PHACTR1: variants seen among roughly 807,000 people sequenced by gnomAD.
PHACTR1 encodes RPEL repeat containing 1.
Under a neutral mutation model 69.2 loss-of-function variants are expected in PHACTR1, and 16 were observed. The observed-to-expected ratio is 0.23, with a 90% CI of 0.16 to 0.35. The LOEUF (loss-of-function observed/expected upper bound fraction) is 0.35. Ranked by LOEUF, PHACTR1 falls within the 10% of genes least tolerant of loss-of-function variation. The pLI is 1.00. For missense variants in PHACTR1, 510 were observed against 734.7 expected (o/e 0.69, Z 3.54); for synonymous variants, 312 against 284.5 (o/e 1.10, Z -0.97).
intron 4 of PHACTR1, among the ~76,000 whole-genome samples, chr6:12,896,065 GGA>G (rs1784636601): frequency 6.6e-6 from 1 of 152,182 alleles, no homozygotes; most frequent in Non-Finnish European, 1.5e-5. Flanking sequence ...AATGCTGACT[GGA>G]ACCCTTCAAA....
intron 8 of PHACTR1, among the ~76,000 whole-genome samples, chr6:13,218,859 AAGAGAAGAGAAGAG>A (rs1562013493): frequency 4.6e-3 from 20 of 4,330 alleles, no homozygotes; most frequent in Non-Finnish European, 2.0e-3. Context: ...GAGGAAAGAG[AAGAGAAGAGAAGAG>A]AAGAGAAGAG....
At chr6:12,732,011 T>C (rs1763594308) in intron 3 of PHACTR1, among the ~76,000 whole-genome samples, 1 of 151,074 alleles carries the variant, frequency 6.6e-6, no homozygotes, top group South Asian at 2.1e-4. Context: ...ACTATCAAAA[T>C]GGAATGATGG....
intron 4 of PHACTR1, among the ~76,000 whole-genome samples, chr6:12,919,087 C>G (rs1014073027): frequency 9.9e-5 from 15 of 152,228 alleles, no homozygotes; most frequent in African/African-American, 3.4e-4. Flanking sequence ...CTCAGCCTCC[C>G]AAAGTCCTGG....
intron 4 of PHACTR1, among the ~76,000 whole-genome samples, chr6:13,032,437 C>T (rs1292245664): frequency 1.3e-5 from 2 of 152,134 alleles, no homozygotes; most frequent in East Asian, 3.8e-4. Context: ...GCCCTTAGTC[C>T]TTGTGAGGGC....
In PHACTR1 at chr6:12,912,290, G is replaced by A. The variant is rs1009596679; in HGVS notation, c.251-141075G>A. Among the ~76,000 whole-genome samples the A allele has an allele frequency of 4.6e-5, 7 of 152,264 alleles. No individual in the cohort carries two copies. In the South Asian group the frequency reaches 6.2e-4, roughly 14 times the overall value. On this transcript the variant is annotated intron_variant, in intron 4 of 14. Transcript: ENST00000332995. ...GCTGGGATTACAGGCATGAGCCACC[G>A]TGCTTGGCCCAAAACAGCATTTAAT...
At position 12,795,877 on chromosome 6, in the gene PHACTR1, T is replaced by C. The variant is rs1021854086; in HGVS notation, c.250+46087T>C. Among the ~76,000 whole-genome samples, 179 of 49,308 alleles carry C rather than the reference T, an allele frequency of 3.6e-3. 1 individual carries two copies. Among genetic ancestry groups the C allele is most frequent in the African/African-American group, 0.017 (142 of 8,546 alleles). 32.3% of individuals were successfully genotyped at this position (49,308 alleles called of 152,430 possible). ...TGTCTCCTCTTAGCCAGACCTTACA[T>C]TTTTAAGAAAAGAATCAATTCCTTT... On this transcript the variant is annotated intron_variant, in intron 4 of 14. Transcript: ENST00000332995.
At chr6:12,752,862 A>T (rs578130025) in intron 4 of PHACTR1, among the ~76,000 whole-genome samples, 2 of 152,376 alleles carry the variant, frequency 1.3e-5, no homozygotes, top group African/African-American at 4.8e-5. Context: ...TGCTAATTTC[A>T]AGTTTCAGCT....
chr6:13,112,723 T>G (rs1817228261), intron 5 of PHACTR1, among the ~76,000 whole-genome samples: 2 of 152,196 alleles, frequency 1.3e-5, no homozygotes, highest in African/African-American at 4.8e-5. Flanking sequence ...TTAATGAGGT[T>G]GTTTTGTTTT....
intron 4 of PHACTR1, among the ~76,000 whole-genome samples, chr6:12,793,045 A>G (rs1197078085): frequency 1.3e-5 from 2 of 152,148 alleles, no homozygotes; most frequent in Non-Finnish European, 2.9e-5. Context: ...CCCTAAAGAC[A>G]TGATCAACCC....
chr6:12,827,562 C>T (rs1000677827), intron 4 of PHACTR1, among the ~76,000 whole-genome samples: 5 of 152,186 alleles, frequency 3.3e-5, no homozygotes, highest in African/African-American at 1.2e-4. Context: ...ACATCAGTGT[C>T]AATAGACAGA....
intron 5 of PHACTR1, among the ~76,000 whole-genome samples, chr6:13,131,206 C>CAA (rs1561872830): frequency 6.5e-4 from 16 of 24,514 alleles, no homozygotes; most frequent in Admixed American, 2.4e-3. Context: ...TATATATACA[C>CAA]ATACACACAC....
intron 12 of PHACTR1, chr6:13,280,936 G>C (rs543821671): frequency 2.3e-6 from 3 of 1,287,720 alleles, no homozygotes; most frequent in Non-Finnish European, 3.0e-6. Flanking sequence ...CATGCACACA[G>C]AGGAGCGTCC....
chr6:12,803,892 C>T (rs1773993857), intron 4 of PHACTR1, among the ~76,000 whole-genome samples: 1 of 152,192 alleles, frequency 6.6e-6, no homozygotes, highest in South Asian at 2.1e-4. Context: ...AACCCCACCC[C>T]ATTTGAGAAC....
At chr6:13,000,849 GTTTC>G (rs1451362815) in intron 4 of PHACTR1, among the ~76,000 whole-genome samples, 3 of 152,106 alleles carry the variant, frequency 2.0e-5, no homozygotes, top group African/African-American at 4.8e-5. Context: ...GGTTATTTAT[GTTTC>G]TTTCTTCCCC....
chr6:12,725,903 AT>A (rs1417211574), intron 3 of PHACTR1, among the ~76,000 whole-genome samples: 1 of 152,162 alleles, frequency 6.6e-6, no homozygotes, highest in Non-Finnish European at 1.5e-5. Flanking sequence ...TATTTTTAAC[AT>A]TTTTATGGGT....
At chr6:13,110,599 C>T (rs1007254982) in intron 5 of PHACTR1, among the ~76,000 whole-genome samples, 1 of 152,162 alleles carries the variant, frequency 6.6e-6, no homozygotes, top group Non-Finnish European at 1.5e-5. Context: ...CCCTGGTATC[C>T]TTGTGAACTA....
At chr6:13,206,622 TA>T (rs1171740486) in intron 8 of PHACTR1, among the ~76,000 whole-genome samples, 1 of 152,168 alleles carries the variant, frequency 6.6e-6, no homozygotes, top group African/African-American at 2.4e-5. Flanking sequence ...TAAGAAAGGT[TA>T]ATAAAAACAA....
At chr6:12,812,869 A>G (rs1277942675) in intron 4 of PHACTR1, among the ~76,000 whole-genome samples, 7 of 152,124 alleles carry the variant, frequency 4.6e-5, no homozygotes, top group Admixed American at 4.6e-4. Flanking sequence ...CCCATAAGCA[A>G]TTTTCTTTCA....
intron 4 of PHACTR1, among the ~76,000 whole-genome samples, chr6:12,793,622 C>A (rs1274749487): frequency 6.6e-6 from 1 of 152,172 alleles, no homozygotes; most frequent in Non-Finnish European, 1.5e-5. Flanking sequence ...AGAAGAATGA[C>A]TTTTAAAAGT....
Sources: allele counts gnomAD v4.1 joint callset (sites outside exome capture counted in the v4.1 genomes callset), GRCh38; gene constraint gnomAD v4.1.1; transcripts MANE v1.5; gene names NCBI Gene and HGNC (gene_info 2026-07-23, HGNC 2026-07-21).